The following PCDH11X variants were observed in gnomAD, a reference collection of about 807,000 sequenced individuals.
PCDH11X encodes the protein protocadherin 11 X-linked, also known as protocadherin-11 X-linked.
PCDH11X carries 18 observed loss-of-function variants against 53.3 expected under a neutral mutation model. The observed-to-expected ratio is 0.34, with a 90% confidence interval of 0.23 to 0.50. PCDH11X has a LOEUF of 0.50. Ranked by LOEUF, PCDH11X falls within the 20% of genes least tolerant of loss-of-function variation. PCDH11X has a pLI of 0.98. For missense variants in PCDH11X, 570 were observed against 1,032.4 expected, an observed-to-expected ratio of 0.55 and a Z score of 6.14; for synonymous variants, 279 against 393.3, an observed-to-expected ratio of 0.71 and a Z score of 3.44.
intron 2 of PCDH11X, among the ~76,000 whole-genome samples, chrX:91,809,933 A>T (rs1202097527): frequency 9.0e-6 from 1 of 111,121 alleles, no homozygotes; most frequent in Non-Finnish European, 1.9e-5. Context: ...ATAGCCATTT[A>T]TAATACAAGC....
intron 6 of PCDH11X, among the ~76,000 whole-genome samples, chrX:91,905,128 ATTATTG>A (rs1419688556): frequency 3.5e-4 from 31 of 87,616 alleles, no homozygotes; most frequent in African/African-American, 1.1e-3. Context: ...TATTATTATT[ATTATTG>A]TTATTATTAT....
At chrX:92,575,932 T>TACAC (rs1294124829) in intron 10 of PCDH11X, among the ~76,000 whole-genome samples, 3 of 24,707 alleles carry the variant, frequency 1.2e-4, no homozygotes, top group African/African-American at 4.7e-4. Context: ...TATATATATA[T>TACAC]ATATATATAT....
intron 8 of PCDH11X, among the ~76,000 whole-genome samples, chrX:92,293,698 C>CT (rs1445061281): frequency 4.5e-5 from 5 of 110,321 alleles, no homozygotes; most frequent in Non-Finnish European, 7.5e-5. Context: ...ACATCTTTGT[C>CT]TCTTCTGTTA....
Position 92,173,984 on chromosome X carries a change from CAAAAAAAAAAAAAAAAAA to C in PCDH11X, c.3034-27379_3034-27362del, listed in dbSNP as rs145379428. 8.1e-4 allele frequency among the ~76,000 whole-genome samples: 24 copies of C among 29,565 alleles called. No homozygotes were observed. In the Admixed American group the frequency reaches 0.014, roughly 17 times the overall value. 25.7% of individuals were successfully genotyped at this position (29,565 alleles called of 115,157 possible). A position where few individuals can be genotyped will look rare whatever the true frequency, so the allele number is the denominator to read the frequency against. On this transcript the variant is annotated intron_variant, in intron 6 of 10. Coordinates refer to ENST00000682573, the MANE Select transcript of PCDH11X (RefSeq NM_032968.5). ...TGGGTGATAGAGTGAGACCCAGTCTCAAAAAAAAAAAAAAAAAAAAAAAAAAAAAGTAGTGAGGGACAG... is the reference window on the plus strand; with the variant it reads ...TGGGTGATAGAGTGAGACCCAGTCTCAAAAAAAAAAAGTAGTGAGGGACAG...
intron 6 of PCDH11X, among the ~76,000 whole-genome samples, chrX:92,063,158 C>G (rs2148066213): frequency 1.0e-5 from 1 of 95,641 alleles, no homozygotes. Context: ...CACATGGACA[C>G]AGGGAGGGGA....
chrX:91,956,738 G>A (rs1050087958), intron 6 of PCDH11X, among the ~76,000 whole-genome samples: 2 of 109,724 alleles, frequency 1.8e-5, no homozygotes, highest in African/African-American at 6.7e-5. Context: ...GTATCTTGGG[G>A]TTGATCTTCT....
At chrX:92,029,238 C>T in intron 6 of PCDH11X, among the ~76,000 whole-genome samples, 1 of 111,198 alleles carries the variant, frequency 9.0e-6, no homozygotes, top group Non-Finnish European at 1.9e-5. Context: ...GCAAAGTTTT[C>T]GAAGATTATA....
chrX:92,013,183 G>C (rs949981189), intron 6 of PCDH11X, among the ~76,000 whole-genome samples: 2 of 111,874 alleles, frequency 1.8e-5, no homozygotes, highest in Non-Finnish European at 3.8e-5. Context: ...CTTCAGCAAA[G>C]TCTCGGGATA....
chrX:92,456,350 C>T (rs2072908236), intron 9 of PCDH11X, among the ~76,000 whole-genome samples: 2 of 111,284 alleles, frequency 1.8e-5, no homozygotes, highest in South Asian at 7.4e-4. Flanking sequence ...GTAGCAGAAA[C>T]ATCATTTTAT....
chrX:92,371,887 G>T (rs2070632905), intron 8 of PCDH11X, among the ~76,000 whole-genome samples: 1 of 111,192 alleles, frequency 9.0e-6, no homozygotes. Context: ...GACAGATTTG[G>T]ATCATAGTGC....
chrX:92,397,468 A>ATT (rs748075744), intron 9 of PCDH11X, among the ~76,000 whole-genome samples: 1 of 103,099 alleles, frequency 9.7e-6, no homozygotes, highest in African/African-American at 3.5e-5. Context: ...GAAGGAGTCA[A>ATT]TTTTTTTTTT....
intron 10 of PCDH11X, among the ~76,000 whole-genome samples, chrX:92,547,371 G>A (rs891076754): frequency 1.9e-4 from 20 of 105,796 alleles, no homozygotes; most frequent in Non-Finnish European, 3.5e-4. Context: ...TTTTTTAAAT[G>A]TTGCTTACTT....
At chrX:92,433,319 C>A (rs1231495238) in intron 9 of PCDH11X, among the ~76,000 whole-genome samples, 1 of 109,778 alleles carries the variant, frequency 9.1e-6, no homozygotes, top group Non-Finnish European at 1.9e-5. Flanking sequence ...ATAAATAATT[C>A]CTATTATTTG....
In PCDH11X at chrX:92,092,161, TA is replaced by T. The variant is rs11294657; in HGVS notation, c.3034-109208del. ...CCCTTAGACAGGAATTTGGGCAAGA[TA>T]AAAAAGTTAGAGCTTAGTCCTCATT... On this transcript the variant is annotated intron_variant, in intron 6 of 10. Transcript: ENST00000682573. 7.2e-5 allele frequency among the ~76,000 whole-genome samples: 8 copies of T among 111,649 alleles called. No individual in the cohort carries two copies. In the South Asian group the frequency reaches 2.6e-3, roughly 37 times the overall value.
chrX:92,298,360 G>A (rs1226659414), intron 8 of PCDH11X, among the ~76,000 whole-genome samples: 3 of 111,389 alleles, frequency 2.7e-5, no homozygotes, highest in Non-Finnish European at 5.7e-5. Context: ...ATGAAGGGAA[G>A]TTTAATTTTA....
At chrX:92,200,691 T>C (rs767039657) in intron 6 of PCDH11X, among the ~76,000 whole-genome samples, 145 of 111,339 alleles carry the variant, frequency 1.3e-3, no homozygotes, top group African/African-American at 4.4e-3. Flanking sequence ...CTTTTGGCAT[T>C]TATTACATCT....
intron 8 of PCDH11X, among the ~76,000 whole-genome samples, chrX:92,351,518 A>G (rs1308484298): frequency 1.8e-5 from 2 of 111,483 alleles, no homozygotes; most frequent in Non-Finnish European, 3.8e-5. Flanking sequence ...ATTCTATTTT[A>G]TCTTACTGAT....
intron 5 of PCDH11X, among the ~76,000 whole-genome samples, chrX:91,871,572 G>A (rs1939311231): frequency 9.2e-6 from 1 of 108,737 alleles, no homozygotes; most frequent in Non-Finnish European, 1.9e-5. Context: ...AATAGGCAAT[G>A]AAGTGGTGTC....
chrX:92,402,984 C>CGT (rs2071418284), intron 9 of PCDH11X, among the ~76,000 whole-genome samples: 1 of 109,383 alleles, frequency 9.1e-6, no homozygotes, highest in African/African-American at 3.3e-5. Flanking sequence ...AAAGTGTGTG[C>CGT]GTGTGTGTAT....
Sources: allele counts gnomAD v4.1 joint callset (sites outside exome capture counted in the v4.1 genomes callset), GRCh38; gene constraint gnomAD v4.1.1; transcripts MANE v1.5; gene names NCBI Gene and HGNC (gene_info 2026-07-23, HGNC 2026-07-21).